DNAH8: variants seen among roughly 807,000 people sequenced by gnomAD.
The protein encoded by DNAH8 is axonemal beta dynein heavy chain 8.
DNAH8 carries 382 observed loss-of-function variants against 562.1 expected under a neutral mutation model. That is an observed-to-expected ratio of 0.68 (90% confidence interval 0.63 to 0.74). The LOEUF (loss-of-function observed/expected upper bound fraction) is 0.74. DNAH8 is among the 30% of genes least tolerant of loss of function. The pLI is 0.00. For missense variants in DNAH8, 5,203 were observed against 5,620.4 expected (o/e 0.93, Z 2.37); for synonymous variants, 1,881 against 1,919.4 (o/e 0.98, Z 0.52).
chr6:38,862,947 G>T (rs1398454828), intron 44 of DNAH8, among the ~76,000 whole-genome samples: 2 of 152,114 alleles, frequency 1.3e-5, no homozygotes, highest in African/African-American at 4.8e-5. Context: ...CTCAGTACTT[G>T]GCGATCTTCT....
At chr6:38,849,616 C>T (rs1775582101) in intron 37 of DNAH8, among the ~76,000 whole-genome samples, 1 of 148,028 alleles carries the variant, frequency 6.8e-6, no homozygotes, top group Admixed American at 6.8e-5. Flanking sequence ...GTACTAATAG[C>T]ACATTTTTAA....
intron 73 of DNAH8, chr6:38,924,922 T>C (rs1209991376): frequency 1.3e-5 from 2 of 152,216 alleles, no homozygotes; most frequent in African/African-American, 4.8e-5. Flanking sequence ...CCTTCCTTGC[T>C]GGGAATTCGA....
intron 82 of DNAH8, among the ~76,000 whole-genome samples, chr6:38,952,745 G>C (rs927344723): frequency 1.3e-5 from 2 of 152,078 alleles, no homozygotes; most frequent in African/African-American, 4.8e-5. Flanking sequence ...ATTCTCAGTG[G>C]ATCAGTGTTC....
At chr6:38,992,971 A>G (rs1300793362) in intron 88 of DNAH8, among the ~76,000 whole-genome samples, 1 of 151,944 alleles carries the variant, frequency 6.6e-6, no homozygotes, top group Non-Finnish European at 1.5e-5. Flanking sequence ...ATATCTCTGT[A>G]TGCTTATGTA....
chr6:38,887,465 G>A (rs1441731544), intron 57 of DNAH8, among the ~76,000 whole-genome samples: 1 of 152,186 alleles, frequency 6.6e-6, no homozygotes, highest in Non-Finnish European at 1.5e-5. Flanking sequence ...TTAGCACTTT[G>A]GAAGACCAAG....
intron 66 of DNAH8, 150 bp downstream of exon 66, chr6:38,911,736 TTGACCTG>T: frequency 1.6e-6 from 1 of 616,142 alleles, no homozygotes; most frequent in South Asian, 2.0e-5. Context: ...TGAGGGTATT[TTGACCTG>T]TCGAGAAACT....
intron 8 of DNAH8, among the ~76,000 whole-genome samples, chr6:38,747,223 A>G (rs73416390): frequency 0.017 from 2,653 of 152,204 alleles, 75 homozygotes; most frequent in African/African-American, 0.06. Flanking sequence ...CATTTTGTAT[A>G]TAGAACAGTG....
intron 56 of DNAH8, 129 bp from the exon 57 acceptor site, chr6:38,886,662 C>T (rs1778948154): frequency 2.7e-6 from 2 of 747,148 alleles, no homozygotes; most frequent in African/African-American, 1.7e-5. Context: ...AGGTGATCAT[C>T]GACATTCACA....
intron 81 of DNAH8, among the ~76,000 whole-genome samples, chr6:38,950,379 C>T (rs1686458395): frequency 6.6e-6 from 1 of 151,886 alleles, no homozygotes. Flanking sequence ...TAGATATTGT[C>T]AACCTTCAAG....
Position 38,843,521 on chromosome 6 carries a change from G to C in DNAH8, c.4845+618G>C, listed in dbSNP as rs529747446. Among the ~76,000 whole-genome samples, 11 of 151,830 alleles carry C rather than the reference G, an allele frequency of 7.2e-5. No individual in the cohort carries two copies. In the East Asian group the frequency reaches 1.7e-3, roughly 24 times the overall value. On this transcript the variant is annotated intron_variant, in intron 35 of 92. Transcript: ENST00000327475. ...ATAATTATTTAAACATTTTTCATTA[G>C]GGAAAATTTTAAACACATACAAAAG... is the stretch of plus-strand genomic sequence containing the variant.
intron 31 of DNAH8, 31 bp downstream of exon 31, chr6:38,832,466 A>G: frequency 7.5e-7 from 1 of 1,337,696 alleles, no homozygotes; most frequent in Non-Finnish European, 1.1e-6. Context: ...CTGTATGTTG[A>G]AATGTTCTGT....
intron 91 of DNAH8, among the ~76,000 whole-genome samples, chr6:39,015,267 C>T (rs2150778526): frequency 6.6e-6 from 1 of 152,248 alleles, no homozygotes; most frequent in Middle Eastern, 3.4e-3. Flanking sequence ...TGATTTTTTT[C>T]ATTCAAAATA....
chr6:38,818,738 C>T (rs537194933), intron 26 of DNAH8, among the ~76,000 whole-genome samples: 1 of 152,174 alleles, frequency 6.6e-6, no homozygotes, highest in Non-Finnish European at 1.5e-5. Flanking sequence ...GTTATATATA[C>T]TGTCTTTTAA....
intron 26 of DNAH8, among the ~76,000 whole-genome samples, chr6:38,820,579 A>G (rs1772729645): frequency 6.6e-6 from 1 of 152,206 alleles, no homozygotes; most frequent in Non-Finnish European, 1.5e-5. Flanking sequence ...ATCTAAAAAC[A>G]TCTTTAAAGG....
intron 8 of DNAH8, among the ~76,000 whole-genome samples, chr6:38,748,381 T>G (rs1765136808): frequency 6.6e-6 from 1 of 152,142 alleles, no homozygotes; most frequent in Non-Finnish European, 1.5e-5. Context: ...AAGAAGGTCT[T>G]CAGTGGTAAG....
chr6:38,941,040 A>G (rs1026679027), intron 79 of DNAH8, among the ~76,000 whole-genome samples: 2 of 152,026 alleles, frequency 1.3e-5, no homozygotes, highest in East Asian at 3.9e-4. Context: ...GAATCACTTG[A>G]ACCAGGGAGT....
At chr6:38,716,743 C>T (rs1392503330) in intron 1 of DNAH8, 1 of 152,084 alleles carries the variant, frequency 6.6e-6, no homozygotes, top group African/African-American at 2.4e-5. Context: ...TTCAATATTG[C>T]TGAATGAACT....
Position 38,917,091 on chromosome 6 carries a change from A to G in DNAH8, c.10141-148A>G, listed in dbSNP as rs963963495. The G allele has an allele frequency of 5.5e-6, 3 of 542,518 alleles. No individual in the cohort carries two copies. The South Asian group carries it at 1.1e-4, about 20-fold the overall frequency. The allele number at this position is 542,518 out of a possible 1,614,324, so 33.6% of individuals were successfully genotyped here. A position where few individuals can be genotyped will look rare whatever the true frequency, so the allele number is the denominator to read the frequency against. On this transcript the variant is annotated intron_variant, in intron 68 of 92. Coordinates refer to ENST00000327475, the MANE Select transcript of DNAH8 (RefSeq NM_001206927.2). ...AATAAACACAAATACCAAAATAACA[A>G]TGAAAGAGCCACTAAGCAAAAATCT...
At chr6:38,998,640 G>A (rs1765294380) in intron 88 of DNAH8, among the ~76,000 whole-genome samples, 2 of 152,154 alleles carry the variant, frequency 1.3e-5, no homozygotes, top group Admixed American at 6.5e-5. Flanking sequence ...GGATATTATG[G>A]TGCACTAATA....
Sources: allele counts gnomAD v4.1 joint callset (sites outside exome capture counted in the v4.1 genomes callset), GRCh38; gene constraint gnomAD v4.1.1; transcripts MANE v1.5; gene names NCBI Gene and HGNC (gene_info 2026-07-23, HGNC 2026-07-21).